FREM2: variants seen among roughly 807,000 people sequenced by gnomAD.
The protein encoded by FREM2 is FRAS1 related extracellular matrix 2.
FREM2 carries 119 observed loss-of-function variants against 219.9 expected under a neutral mutation model. The ratio of observed to expected loss-of-function variants is 0.54; its 90% CI spans 0.47 to 0.63. The LOEUF is 0.63. Ranked by LOEUF, FREM2 falls within the 30% of genes least tolerant of loss-of-function variation. FREM2 has a pLI of 0.00. For synonymous variants in FREM2, 1,562 were observed against 1,522.8 expected (o/e 1.03, Z -0.60); for missense variants, 4,030 against 3,993.6 (o/e 1.01, Z -0.25).
intron 2 of FREM2, among the ~76,000 whole-genome samples, chr13:38,734,938 G>A (rs1008975760): frequency 6.6e-6 from 1 of 151,916 alleles, no homozygotes; most frequent in Admixed American, 6.6e-5. Context: ...AGTCGAGATG[G>A]GGTTTCACCA....
At position 38,868,330 on chromosome 13, in the gene FREM2, A is replaced by T. The variant is rs75741393; in HGVS notation, c.7983+3724A>T. On this transcript the variant is annotated intron_variant, in intron 16 of 23. Transcript: ENST00000280481. ...AATAGCTTACATTTATTGATTGTTT[A>T]CTACATGCCTGCCATTCCTCTAAAT... Among the ~76,000 whole-genome samples the T allele has an allele frequency of 0.01, 1,556 of 152,314 alleles. 36 individuals carry two copies. In the East Asian group the frequency reaches 0.11, roughly 11 times the overall value.
At chr13:38,721,766 T>G (rs764577734) in intron 2 of FREM2, among the ~76,000 whole-genome samples, 6 of 152,212 alleles carry the variant, frequency 3.9e-5, no homozygotes, top group Admixed American at 6.5e-5. Context: ...TATTTACCCT[T>G]GCATTTTAGT....
chr13:38,749,398 A>G (rs7329184), intron 2 of FREM2, among the ~76,000 whole-genome samples: 6,319 of 152,250 alleles, frequency 0.042, 226 homozygotes, highest in East Asian at 0.15. Flanking sequence ...AGGCAGTTTT[A>G]TCATTTCATC....
chr13:38,726,197 C>T (rs1340254630), intron 2 of FREM2, among the ~76,000 whole-genome samples: 2 of 152,002 alleles, frequency 1.3e-5, no homozygotes, highest in African/African-American at 2.4e-5. Context: ...GTAAGCAGAC[C>T]GATGACTGGC....
chr13:38,863,507 AC>A (rs1425414374), intron 15 of FREM2, among the ~76,000 whole-genome samples: 1 of 152,068 alleles, frequency 6.6e-6, no homozygotes, highest in Non-Finnish European at 1.5e-5. Flanking sequence ...AAAAAGAAAT[AC>A]ATTACATATT....
chr13:38,727,805 A>AATG (rs57276351), intron 2 of FREM2, among the ~76,000 whole-genome samples: 9,710 of 152,262 alleles, frequency 0.064, 840 homozygotes, highest in African/African-American at 0.2. Flanking sequence ...TGCTTCTGGC[A>AATG]ATATTTCATC....
rs145218150 is a variant in FREM2 at position 38,760,304 on chromosome 13, A to G, written c.5264-4000A>G. Among the ~76,000 whole-genome samples, 966 of 152,356 alleles carry G rather than the reference A, an allele frequency of 6.3e-3. 7 individuals are homozygous for G. Among genetic ancestry groups the G allele is most frequent in the Non-Finnish European group, 9.2e-3 (626 of 68,030 alleles). ...TAAAATCTCAAGGTGGTGGTTGTAC[A>G]TATGAAATACTAGCAAACTGTTCAG... On this transcript the variant is annotated intron_variant, in intron 2 of 23. Transcript: ENST00000280481.
intron 2 of FREM2, among the ~76,000 whole-genome samples, chr13:38,703,064 C>T (rs549469929): frequency 1.3e-5 from 2 of 152,078 alleles, no homozygotes; most frequent in Non-Finnish European, 2.9e-5. Context: ...ATTGTTATTC[C>T]GTATTTGATG....
intron 2 of FREM2, among the ~76,000 whole-genome samples, chr13:38,725,803 G>A (rs1871495231): frequency 6.6e-6 from 1 of 152,186 alleles, no homozygotes; most frequent in African/African-American, 2.4e-5. Flanking sequence ...CAAGCGATTG[G>A]ATGAATGGCA....
intron 6 of FREM2, among the ~76,000 whole-genome samples, chr13:38,801,023 A>G (rs1874988203): frequency 1.3e-5 from 2 of 152,244 alleles, no homozygotes; most frequent in African/African-American, 4.8e-5. Flanking sequence ...ACTAAATGTC[A>G]TGAAGACATT....
intron 23 of FREM2, among the ~76,000 whole-genome samples, chr13:38,879,894 G>T (rs140862865): frequency 2.5e-4 from 38 of 152,226 alleles, no homozygotes; most frequent in African/African-American, 9.1e-4. Flanking sequence ...AAGAGTCCTG[G>T]GGTTCAGAAG....
rs1168036954 is a variant in FREM2, at chr13:38,857,878, A to T, written c.7060A>T (p.Thr2354Ser). 1 of 1,613,210 alleles carries T rather than the reference A, an allele frequency of 6.2e-7. No homozygotes were observed. Among genetic ancestry groups the T allele is most frequent in the Admixed American group, 1.7e-5 (1 of 60,024 alleles). The change falls in exon 13 of 24, where the codon ACG (threonine) becomes TCG (serine). Residue 2354 changes from threonine to serine, a missense_variant. Physicochemically the swap from Thr to Ser is moderately conservative, Grantham distance 58 (BLOSUM62 1). This residue lies in a region of FREM2 where 928 missense variants were observed against 1,042.9 expected (regional missense o/e 0.89). Coordinates refer to ENST00000280481, the MANE Select transcript of FREM2 (RefSeq NM_207361.6). ...DENMIAEMQL[T>S]KAIVYIEEMS... ...GATAATTGTCTTTTCCTTCTAGTTGACGAAAGCCATTGTGTACATAGAAGA... is the reference window on the plus strand; with the variant it reads ...GATAATTGTCTTTTCCTTCTAGTTGTCGAAAGCCATTGTGTACATAGAAGA...
chr13:38,705,076 G>C (rs1163638494), intron 2 of FREM2, among the ~76,000 whole-genome samples: 3 of 152,196 alleles, frequency 2.0e-5, no homozygotes, highest in African/African-American at 7.2e-5. Context: ...AAGAAAGGGA[G>C]CATTGTGTTC....
intron 2 of FREM2, among the ~76,000 whole-genome samples, chr13:38,739,505 A>T (rs1872147372): frequency 6.6e-6 from 1 of 152,150 alleles, no homozygotes; most frequent in East Asian, 1.9e-4. Flanking sequence ...TCATGAAACC[A>T]AATCATTACA....
rs766512671 is a variant in FREM2 at position 38,878,860 on chromosome 13, C to T, written c.8889C>T (p.Thr2963=). The T allele has an allele frequency of 1.9e-6, 3 of 1,614,154 alleles. No individual in the cohort carries two copies. In the South Asian group the frequency reaches 3.3e-5, roughly 18 times the overall value. The change falls in exon 23 of 24, where the codon ACC becomes ACT. Residue 2963 remains threonine (T), a synonymous_variant. Coordinates refer to ENST00000280481, the MANE Select transcript of FREM2 (RefSeq NM_207361.6). ...VDKAQPETQA[T]SFGNVLFNAK... ...AAGCTCAGCCAGAGACACAAGCGAC[C>T]AGTTTTGGAAATGTCCTATTTAATG...
At position 38,697,739 on chromosome 13, in the gene FREM2, G is replaced by T. The variant is rs758977720; in HGVS notation, c.5215G>T (p.Gly1739Trp). 9.9e-6 allele frequency: 16 copies of T among 1,610,306 alleles called. No individual in the cohort carries two copies. In the Admixed American group the frequency reaches 1.5e-4, roughly 15 times the overall value. The change falls in exon 2 of 24, where the codon GGG becomes TGG. Residue 1739 changes from glycine (G) to tryptophan (W), a missense_variant. Transcript: ENST00000280481. ...GAAAATATGCTATGTCTTAAGAGAA[G>T]GGGCTAATGCCACAAGTGATATGTT... is the stretch of plus-strand genomic sequence containing the variant. ...DMKICYVLRE[G>W]ANATSDMFYF...
intron 4 of FREM2, among the ~76,000 whole-genome samples, chr13:38,781,423 A>G (rs989967126): frequency 6.6e-6 from 1 of 151,936 alleles, no homozygotes; most frequent in Admixed American, 6.6e-5. Context: ...CACCCTCAGC[A>G]TATTTTATTT....
Position 38,848,539 on chromosome 13 carries a change from T to C in FREM2, c.6248T>C (p.Ile2083Thr). ...GVNMQPVRVV[I>T]LDDLGQPALE... ...AACATGCAGCCTGTTCGTGTTGTCA[T>C]TCTGGATGACCTTGGACAACCAGCG... is the stretch of plus-strand genomic sequence containing the variant. The change falls in exon 8 of 24, where the codon ATT becomes ACT. Residue 2083 changes from isoleucine to threonine, a missense_variant. Physicochemically the swap from Ile to Thr is moderately conservative, Grantham distance 89 (BLOSUM62 -1). This residue lies in a region of FREM2 where 3,102 missense variants were observed against 2,950.7 expected (regional missense o/e 1.05). Transcript: ENST00000280481. The C allele has an allele frequency of 6.2e-7, 1 of 1,614,118 alleles. No individual in the cohort carries two copies. The highest frequency in any genetic ancestry group is 8.5e-7 in the Non-Finnish European group (1 of 1,179,974).
In FREM2 at chr13:38,688,162, G is replaced by T; in HGVS notation, c.818G>T (p.Arg273Leu). ...CGCTATCGCCACACAGCCGCCAGTC[G>T]CTCACCAAACAGGGACTGGATACCC... The part of the protein sequence containing the change: ...GVRYRHTAAS[R>L]SPNRDWIPMV... Residue 273 changes from arginine to leucine, a missense_variant, in exon 1 of 24, where the codon CGC becomes CTC. This residue lies in a region of FREM2 where 3,102 missense variants were observed against 2,950.7 expected (regional missense o/e 1.05). Coordinates refer to ENST00000280481, the MANE Select transcript of FREM2 (RefSeq NM_207361.6). 6.2e-7 allele frequency: 1 copy of T among 1,613,506 alleles called. No individual in the cohort carries two copies. The highest frequency in any genetic ancestry group is 8.5e-7 in the Non-Finnish European group (1 of 1,179,790).
Sources: gnomAD v4.1 joint callset for allele counts (sites outside exome capture counted in the v4.1 genomes callset) on GRCh38, gnomAD v4.1.1 for gene constraint, gnomAD v4.1.1 regional missense constraint, MANE v1.5 for transcripts, NCBI Gene and HGNC (gene_info 2026-07-23, HGNC 2026-07-21) for gene names.